SEMA3A: variants seen among roughly 807,000 people sequenced by gnomAD.
The protein encoded by SEMA3A is semaphorin-3A.
A neutral mutation model predicts 97.9 loss-of-function variants in SEMA3A; 29 were observed. The ratio of observed to expected loss-of-function variants is 0.30; its 90% CI spans 0.22 to 0.40. The LOEUF (loss-of-function observed/expected upper bound fraction) is 0.40, where lower values mean the gene tolerates loss of function less well. Ranked by LOEUF, SEMA3A falls within the 10% of genes least tolerant of loss-of-function variation. The pLI, the probability that SEMA3A is intolerant of heterozygous loss-of-function variation, is 1.00. For missense variants in SEMA3A, 763 were observed against 951.3 expected, an observed-to-expected ratio of 0.80 and a Z score of 2.60; for synonymous variants, 321 against 323.7, an observed-to-expected ratio of 0.99 and a Z score of 0.09.
At chr7:84,454,844 A>G (rs1805649673) in intron 1 of SEMA3A, among the ~76,000 whole-genome samples, 3 of 152,010 alleles carry the variant, frequency 2.0e-5, no homozygotes, top group Admixed American at 2.0e-4. Context: ...TTAATTTTAT[A>G]TGAACCCAGT....
chr7:84,470,192 T>C (rs945885803), intron 1 of SEMA3A, among the ~76,000 whole-genome samples: 18 of 152,188 alleles, frequency 1.2e-4, no homozygotes, highest in African/African-American at 3.8e-4. Flanking sequence ...ACTATACTTA[T>C]AATTTTAAAG....
intron 3 of SEMA3A, chr7:84,306,496 T>C (rs1256813085): frequency 6.6e-6 from 1 of 152,202 alleles, no homozygotes; most frequent in Non-Finnish European, 1.5e-5. Context: ...TTTTCATTTC[T>C]TTGTTCATTG....
At chr7:84,328,899 A>C (rs1801837592) in intron 2 of SEMA3A, among the ~76,000 whole-genome samples, 1 of 152,036 alleles carries the variant, frequency 6.6e-6, no homozygotes, top group Non-Finnish European at 1.5e-5. Flanking sequence ...CTGGGAAATA[A>C]TTTCAACTTC....
intron 15 of SEMA3A, among the ~76,000 whole-genome samples, chr7:83,974,871 T>C (rs907496210): frequency 2.6e-5 from 4 of 152,154 alleles, no homozygotes; most frequent in Admixed American, 2.6e-4. Flanking sequence ...CTCTCAGATA[T>C]CACAAACATC....
chr7:84,423,616 T>C (rs1325067037), intron 1 of SEMA3A, among the ~76,000 whole-genome samples: 3 of 152,104 alleles, frequency 2.0e-5, no homozygotes, highest in Non-Finnish European at 4.4e-5. Flanking sequence ...TATTTAAACC[T>C]ATATCTATCT....
chr7:84,255,750 G>A (rs771559486), intron 3 of SEMA3A, among the ~76,000 whole-genome samples: 1 of 151,626 alleles, frequency 6.6e-6, no homozygotes, highest in South Asian at 2.1e-4. Flanking sequence ...TAGATTAGTA[G>A]GCATACCAAA....
At chr7:84,391,850 G>A (rs1365122276) in intron 1 of SEMA3A, among the ~76,000 whole-genome samples, 3 of 151,700 alleles carry the variant, frequency 2.0e-5, no homozygotes, top group African/African-American at 7.3e-5. Context: ...GTGTATGCCT[G>A]TAGTCCCAGC....
chr7:84,108,601 T>C (rs1487527906), intron 4 of SEMA3A, among the ~76,000 whole-genome samples: 1 of 152,126 alleles, frequency 6.6e-6, no homozygotes. Context: ...TTCTGCTAAT[T>C]TGTGCTAAAG....
At chr7:84,249,219 A>G (rs1177187819) in intron 3 of SEMA3A, among the ~76,000 whole-genome samples, 1 of 151,964 alleles carries the variant, frequency 6.6e-6, no homozygotes, top group Non-Finnish European at 1.5e-5. Flanking sequence ...CCGCCCCTCT[A>G]CTTGTATTTA....
At chr7:84,218,467 C>T (rs1798801288) in intron 3 of SEMA3A, among the ~76,000 whole-genome samples, 1 of 152,062 alleles carries the variant, frequency 6.6e-6, no homozygotes, top group Non-Finnish European at 1.5e-5. Context: ...AGTTTTCTTG[C>T]TTCCTAATAG....
chr7:84,198,696 C>T (rs1798292393), upstream of SEMA3A, among the ~76,000 whole-genome samples: 1 of 152,126 alleles, frequency 6.6e-6, no homozygotes, highest in Non-Finnish European at 1.5e-5. Flanking sequence ...TTAACTCCTG[C>T]CGTGGAGTTA....
intron 1 of SEMA3A, among the ~76,000 whole-genome samples, chr7:84,388,566 A>G (rs1803460786): frequency 6.6e-6 from 1 of 152,000 alleles, no homozygotes; most frequent in Non-Finnish European, 1.5e-5. Flanking sequence ...CAAGGCTGCT[A>G]TTACCAGAAT....
rs564385257 is a variant in SEMA3A, at chr7:84,403,345, G to A, written c.-245-31445C>T. Among the ~76,000 whole-genome samples, 8 of 152,352 alleles carry A rather than the reference G, an allele frequency of 5.3e-5. No individual in the cohort carries two copies. The South Asian group carries it at 1.0e-3, about 20-fold the overall frequency. ...AAACTGCAAGGTGGCAGCGAGGCTG[G>A]GGGAGGGGCACCTGCCATTGCCCAG... On this transcript the variant is annotated intron_variant, in intron 1 of 3. Coordinates refer to the SEMA3A transcript ENST00000424555.
intron 3 of SEMA3A, among the ~76,000 whole-genome samples, chr7:84,237,592 TA>T (rs953190900): frequency 6.6e-4 from 100 of 152,196 alleles, no homozygotes; most frequent in African/African-American, 2.3e-3. Flanking sequence ...ACAAGATAGA[TA>T]CTATTATTGT....
chr7:84,382,702 CAAAAAAAAAAAAAAAA>C (rs377120252), intron 1 of SEMA3A, among the ~76,000 whole-genome samples: 1 of 82,070 alleles, frequency 1.2e-5, no homozygotes, highest in Non-Finnish European at 2.3e-5. Flanking sequence ...ACTAAAAATC[CAAAAAAAAAAAAAAAA>C]AAAAAAAAAA....
chr7:83,958,333 T>C lies in SEMA3A; in HGVS notation c.*3038A>G, dbSNP rs1788344418. ...TGTTATAGGGAACAGTAAAGACATC[T>C]GAATTCAAATATTTTGAAGAAATGT... On this transcript the variant is annotated 3_prime_UTR_variant, in exon 17 of 17. Coordinates refer to ENST00000265362, the MANE Select transcript of SEMA3A (RefSeq NM_006080.3). 1 of 152,518 alleles carries C rather than the reference T, an allele frequency of 6.6e-6. No individual in the cohort carries two copies. The highest frequency in any genetic ancestry group is 2.4e-5 in the African/African-American group (1 of 41,432). 9.4% of individuals were successfully genotyped at this position (152,518 alleles called of 1,614,324 possible).
rs1043235103 is a variant in SEMA3A, at chr7:84,153,940, C to A, written c.113-18989G>T. Among the ~76,000 whole-genome samples, 5 of 152,028 alleles carry A rather than the reference C, an allele frequency of 3.3e-5. No individual in the cohort carries two copies. The East Asian group carries it at 9.7e-4, about 29-fold the overall frequency. On this transcript the variant is annotated intron_variant, in intron 1 of 16. Coordinates refer to ENST00000265362, the MANE Select transcript of SEMA3A (RefSeq NM_006080.3). ...TTAATGAATGAATCCTTTATGGAGA[C>A]GTTCCATAAAACACTAGTTCCTTTT...
intron 1 of SEMA3A, among the ~76,000 whole-genome samples, chr7:84,382,463 C>T (rs1053148879): frequency 1.3e-5 from 2 of 151,030 alleles, no homozygotes; most frequent in African/African-American, 4.9e-5. Flanking sequence ...TTATGTATGT[C>T]TCTGTGGGTG....
intron 3 of SEMA3A, among the ~76,000 whole-genome samples, chr7:84,269,192 C>T (rs78301211): frequency 0.073 from 11,148 of 151,978 alleles, 1,400 homozygotes; most frequent in African/African-American, 0.25. Context: ...TTTCATCATC[C>T]TATACAACTG....
Sources: gnomAD v4.1 joint callset for allele counts (sites outside exome capture counted in the v4.1 genomes callset) on GRCh38, gnomAD v4.1.1 for gene constraint, MANE v1.5 for transcripts, NCBI Gene and HGNC (gene_info 2026-07-23, HGNC 2026-07-21) for gene names.